PTPN3: variants seen among roughly 807,000 people sequenced by gnomAD.
PTPN3 encodes the protein tyrosine-protein phosphatase non-receptor type 3.
PTPN3 carries 96 observed loss-of-function variants against 132.7 expected under a neutral mutation model. That is an observed-to-expected ratio of 0.72 (90% CI 0.61 to 0.86). PTPN3 has a LOEUF of 0.86. Ranked by LOEUF, PTPN3 falls within the 40% of genes least tolerant of loss-of-function variation. The pLI, the probability that PTPN3 is intolerant of heterozygous loss-of-function variation, is 0.00. For synonymous variants in PTPN3, 398 were observed against 429.0 expected, an observed-to-expected ratio of 0.93 and a Z score of 0.89; for missense variants, 1,125 against 1,159.6, an observed-to-expected ratio of 0.97 and a Z score of 0.43.
intron 1 of PTPN3, among the ~76,000 whole-genome samples, chr9:109,491,067 A>G (rs979942947): frequency 1.3e-5 from 2 of 151,606 alleles, no homozygotes; most frequent in Non-Finnish European, 2.9e-5. Context: ...ATGGTGGCAC[A>G]CGCCTGGAAT....
At chr9:109,534,025 C>A in the PTPN3 span, 1 of 769,028 alleles carries the variant, frequency 1.3e-6, no homozygotes, top group South Asian at 1.4e-5. Context: ...CATTTCTACA[C>A]TGCGAAGGTA....
intron 13 of PTPN3, among the ~76,000 whole-genome samples, chr9:109,421,848 T>C (rs1842911922): frequency 6.6e-6 from 1 of 152,230 alleles, no homozygotes; most frequent in Non-Finnish European, 1.5e-5. Context: ...CTCTTAGGCT[T>C]AGCAGATCCT....
At chr9:109,490,593 G>A (rs1847414785) in intron 1 of PTPN3, among the ~76,000 whole-genome samples, 1 of 152,120 alleles carries the variant, frequency 6.6e-6, no homozygotes, top group South Asian at 2.1e-4. Context: ...CAAAAAATTA[G>A]CCGGGCGTGG....
chr9:109,534,237 G>T, the PTPN3 span: 6 of 1,465,390 alleles, frequency 4.1e-6, no homozygotes, highest in Admixed American at 7.0e-5. Context: ...CTGTGCCGCT[G>T]CCCGTAGTGC....
intron 1 of PTPN3, among the ~76,000 whole-genome samples, chr9:109,463,912 A>G (rs146816929): frequency 6.6e-6 from 1 of 152,358 alleles, no homozygotes; most frequent in African/African-American, 2.4e-5. Context: ...CAACCGATAG[A>G]GTGGGAGGAG....
rs368577721 is a variant in PTPN3, at chr9:109,458,140, T to G, written c.139-741A>C. Among the ~76,000 whole-genome samples the G allele has an allele frequency of 1.2e-4, 18 of 152,192 alleles. No individual in the cohort carries two copies. The East Asian group carries it at 2.9e-3, about 25-fold the overall frequency. The stretch of plus-strand genomic sequence containing the variant: ...TGGAGGCAGTGGCTGTAACAGAGTG[T>G]CAAAGGCCGTCGAGGGCTGTGAAAC... On this transcript the variant is annotated intron_variant, in intron 2 of 25. Coordinates refer to ENST00000374541, the MANE Select transcript of PTPN3 (RefSeq NM_002829.4).
In PTPN3 at chr9:109,378,400, T is replaced by C. The variant is rs1838748504; in HGVS notation, c.*1156A>G. 3 of 152,662 alleles carry C rather than the reference T, an allele frequency of 2.0e-5. No individual in the cohort carries two copies. The South Asian group carries it at 6.2e-4, about 32-fold the overall frequency. 9.5% of individuals were successfully genotyped at this position (152,662 alleles called of 1,614,324 possible). A position where few individuals can be genotyped will look rare whatever the true frequency, so the allele number is the denominator to read the frequency against. On this transcript the variant is annotated 3_prime_UTR_variant, in exon 26 of 26. Coordinates refer to ENST00000374541, the MANE Select transcript of PTPN3 (RefSeq NM_002829.4). ...ACATCAGATTGTGTTTATATTCAGATAGTCTGATCCTCTCCTTTGAAATGC... is the reference window on the plus strand; with the variant it reads ...ACATCAGATTGTGTTTATATTCAGACAGTCTGATCCTCTCCTTTGAAATGC...
chr9:109,421,567 C>A lies in PTPN3; in HGVS notation c.1137-967G>T, dbSNP rs148181418. On this transcript the variant is annotated intron_variant, in intron 13 of 25. Coordinates refer to ENST00000374541, the MANE Select transcript of PTPN3 (RefSeq NM_002829.4). Reference sequence around the variant, plus strand: ...GGCAACATCCAACCCCGCTGTTCCCCTGGATCCAGTCCTGGGCTCTCTGGG... The same window carrying A: ...GGCAACATCCAACCCCGCTGTTCCCATGGATCCAGTCCTGGGCTCTCTGGG... Among the ~76,000 whole-genome samples the A allele has an allele frequency of 3.3e-3, 498 of 152,222 alleles. 3 individuals carry two copies. The highest frequency in any genetic ancestry group is 0.011 in the African/African-American group (470 of 41,532).
rs550979819 is a variant in PTPN3, at chr9:109,447,710, G to A, written c.413+1101C>T. Among the ~76,000 whole-genome samples, 21 of 152,226 alleles carry A rather than the reference G, an allele frequency of 1.4e-4. 1 individual carries two copies. In the East Asian group the frequency reaches 3.7e-3, roughly 27 times the overall value. On this transcript the variant is annotated intron_variant, in intron 6 of 25. Coordinates refer to ENST00000374541, the MANE Select transcript of PTPN3 (RefSeq NM_002829.4). ...GGATGCTACAATAGCTTCCTTGAAG[G>A]CTGTCCATTCCCTTCCATCCAGACT... is the stretch of plus-strand genomic sequence containing the variant.
chr9:109,417,326 TTCTC>T (rs1383484952), intron 14 of PTPN3, among the ~76,000 whole-genome samples: 6 of 152,224 alleles, frequency 3.9e-5, no homozygotes, highest in Non-Finnish European at 5.9e-5. Context: ...CTCTTTTTCT[TTCTC>T]TCTTTCTTCT....
At chr9:109,474,199 T>G (rs1289521199) in intron 1 of PTPN3, among the ~76,000 whole-genome samples, 2 of 149,390 alleles carry the variant, frequency 1.3e-5, no homozygotes, top group Non-Finnish European at 1.5e-5. Context: ...CATGGGGGGG[T>G]TTTAACCAAG....
the PTPN3 span, among the ~76,000 whole-genome samples, chr9:109,506,172 T>C: frequency 6.6e-6 from 1 of 151,522 alleles, no homozygotes; most frequent in African/African-American, 2.4e-5. Flanking sequence ...GGCTCTCTGC[T>C]CTTGACCTTG....
At chr9:109,454,441 T>C in intron 5 of PTPN3, 55 bp downstream of exon 5, 2 of 1,405,090 alleles carry the variant, frequency 1.4e-6, no homozygotes, top group South Asian at 2.3e-5. Flanking sequence ...AGTACATTTT[T>C]AGTGGTTACT....
chr9:109,408,794 A>ATAT (rs373957307), intron 16 of PTPN3, among the ~76,000 whole-genome samples: 4,239 of 87,110 alleles, frequency 0.049, 122 homozygotes, highest in African/African-American at 0.12. Context: ...AAAAAAAAAA[A>ATAT]AAATATATAT....
At chr9:109,489,626 G>A (rs1847367073) in intron 1 of PTPN3, among the ~76,000 whole-genome samples, 1 of 152,072 alleles carries the variant, frequency 6.6e-6, no homozygotes. Context: ...TGTTCTTGGG[G>A]GCCTAGGCCT....
intron 14 of PTPN3, among the ~76,000 whole-genome samples, chr9:109,411,221 T>C (rs1479764064): frequency 1.3e-5 from 2 of 152,134 alleles, no homozygotes; most frequent in Non-Finnish European, 2.9e-5. Context: ...GAACAGAACT[T>C]TGTGGTCATT....
intron 2 of PTPN3, among the ~76,000 whole-genome samples, chr9:109,458,853 A>G (rs1845689826): frequency 6.6e-6 from 1 of 152,230 alleles, no homozygotes; most frequent in Non-Finnish European, 1.5e-5. Context: ...CATTTAATAT[A>G]TATTATTAAC....
At chr9:109,403,231 C>T (rs1429032582) in intron 19 of PTPN3, among the ~76,000 whole-genome samples, 2 of 152,194 alleles carry the variant, frequency 1.3e-5, no homozygotes, top group African/African-American at 4.8e-5. Context: ...ATCAATCTTT[C>T]ACTCAAAGCT....
intron 19 of PTPN3, among the ~76,000 whole-genome samples, chr9:109,397,990 T>C (rs1253178779): frequency 6.6e-6 from 1 of 152,222 alleles, no homozygotes; most frequent in East Asian, 1.9e-4. Flanking sequence ...TGCAATCTTT[T>C]GGGCCGGGCA....
Sources: gnomAD v4.1 joint callset for allele counts (sites outside exome capture counted in the v4.1 genomes callset) on GRCh38, gnomAD v4.1.1 for gene constraint, MANE v1.5 for transcripts, NCBI Gene and HGNC (gene_info 2026-07-23, HGNC 2026-07-21) for gene names.